The following RAD9A variants were observed in gnomAD, a reference collection of about 807,000 sequenced individuals.
RAD9A encodes cell cycle checkpoint control protein RAD9A.
A neutral mutation model predicts 41.2 loss-of-function variants in RAD9A; 25 were observed. That is an observed-to-expected ratio of 0.61 (90% confidence interval 0.44 to 0.85). RAD9A has a LOEUF of 0.85. Ranked by LOEUF, RAD9A falls within the 40% of genes least tolerant of loss-of-function variation. The probability of loss-of-function intolerance (pLI) is 0.00; values close to 1 mark genes in which losing one functional copy is unlikely to be tolerated. For synonymous variants in RAD9A, 252 were observed against 210.6 expected (o/e 1.20, Z -1.70); for missense variants, 514 against 518.3 (o/e 0.99, Z 0.08).
intron 3 of RAD9A, chr11:67,393,281 A>G: frequency 2.2e-6 from 1 of 453,906 alleles, no homozygotes; most frequent in Admixed American, 5.8e-5. Flanking sequence ...CTCCATCTCA[A>G]AAAAAAAAAA....
chr11:67,397,495 C>T lies in RAD9A; in HGVS notation c.1112C>T (p.Ala371Val). ...FRSLFFGSIL[A>V]PVRSPQGPSP... Reference sequence around the variant, plus strand: ...TCACTGTTCTTCGGCTCCATCCTGGCCCCTGTACGCTCCCCCCAGGGCCCC... The same window carrying T: ...TCACTGTTCTTCGGCTCCATCCTGGTCCCTGTACGCTCCCCCCAGGGCCCC... The change falls in exon 11 of 11, where the codon GCC (alanine) becomes GTC (valine). Residue 371 changes from alanine to valine, a missense_variant. Ala to Val is a moderately conservative substitution (Grantham distance 64). Coordinates refer to ENST00000307980, the MANE Select transcript of RAD9A (RefSeq NM_004584.3). The T allele has an allele frequency of 1.9e-6, 3 of 1,612,554 alleles. No individual in the cohort carries two copies. The highest frequency in any genetic ancestry group is 2.5e-6 in the Non-Finnish European group (3 of 1,179,078).
At position 67,397,515 on chromosome 11, in the gene RAD9A, G is replaced by A; in HGVS notation, c.1132G>A (p.Gly378Ser). The change falls in exon 11 of 11, where the codon GGC (glycine) becomes AGC (serine). Residue 378 changes from glycine to serine, a missense_variant. Gly to Ser is a moderately conservative substitution (Grantham distance 56). Coordinates refer to ENST00000307980, the MANE Select transcript of RAD9A (RefSeq NM_004584.3). ...SILAPVRSPQ[G>S]PSPVLAEDSE... The stretch of plus-strand genomic sequence containing the variant: ...CCTGGCCCCTGTACGCTCCCCCCAG[G>A]GCCCCAGCCCTGTGCTGGCGGAAGA... The A allele has an allele frequency of 6.2e-7, 1 of 1,612,370 alleles. No homozygotes were observed. The highest frequency in any genetic ancestry group is 8.5e-7 in the Non-Finnish European group (1 of 1,179,154).
At chr11:67,396,043 C>G (rs371182520) in intron 7 of RAD9A, 22 bp downstream of exon 7, 9 of 1,613,552 alleles carry the variant, frequency 5.6e-6, no homozygotes, top group African/African-American at 5.3e-5. Flanking sequence ...CCCAGGCGCT[C>G]GCCGTCCTGT....
chr11:67,393,362 C>G (rs1862587912), intron 3 of RAD9A, 134 bp from the exon 4 acceptor site: 3 of 1,449,712 alleles, frequency 2.1e-6, no homozygotes, highest in Non-Finnish European at 2.7e-6. Context: ...TAGAAGGATG[C>G]CAGTGCCCGA....
Position 67,392,274 on chromosome 11 carries a change from G to C in RAD9A, c.105+43G>C, listed in dbSNP as rs930404000. 7 of 1,475,524 alleles carry C rather than the reference G, an allele frequency of 4.7e-6. No individual in the cohort carries two copies. The African/African-American group carries it at 8.3e-5, about 18-fold the overall frequency. 91.4% of individuals were successfully genotyped at this position (1,475,524 alleles called of 1,614,324 possible). A position where few individuals can be genotyped will look rare whatever the true frequency, so the allele number is the denominator to read the frequency against. On this transcript the variant is annotated intron_variant, in intron 2 of 10. Coordinates refer to ENST00000307980, the MANE Select transcript of RAD9A (RefSeq NM_004584.3). The stretch of plus-strand genomic sequence containing the variant: ...GGGGGGCGGGTGGGACTCCAGCCGG[G>C]AGCGGGTAACCCGGACTAGAGTCTC...
rs868071002 is a variant in RAD9A, at chr11:67,398,374, G to A, written c.*815G>A. 8 of 713,884 alleles carry A rather than the reference G, an allele frequency of 1.1e-5. No individual in the cohort carries two copies. The highest frequency in any genetic ancestry group is 3.6e-5 in the African/African-American group (2 of 55,936). The allele number at this position is 713,884 out of a possible 1,614,324, so 44.2% of individuals were successfully genotyped here. A position where few individuals can be genotyped will look rare whatever the true frequency, so the allele number is the denominator to read the frequency against. On this transcript the variant is annotated 3_prime_UTR_variant, in exon 11 of 11. Coordinates refer to ENST00000307980, the MANE Select transcript of RAD9A (RefSeq NM_004584.3). ...AGGAAGCAGCCCTGGGGGACTGGAC[G>A]CTGCTATTGATTCATTAAAAAAAGA...
intron 9 of RAD9A, 142 bp downstream of exon 9, chr11:67,396,542 A>C: frequency 9.2e-7 from 1 of 1,088,706 alleles, no homozygotes; most frequent in Non-Finnish European, 1.3e-6. Flanking sequence ...CCCTAACCCT[A>C]TAGTGCTCAC....
At chr11:67,392,914 A>G in intron 3 of RAD9A, 132 bp downstream of exon 3, 2 of 1,249,424 alleles carry the variant, frequency 1.6e-6, no homozygotes, top group Non-Finnish European at 2.2e-6. Flanking sequence ...TGCAAAACAC[A>G]GGGAGGGCCA....
rs1305075645 is a variant in RAD9A, at chr11:67,397,255, G to A, written c.949G>A (p.Glu317Lys). The change falls in exon 10 of 11, where the codon GAG (glutamate) becomes AAG (lysine). Residue 317 changes from glutamate to lysine, a missense_variant. This residue lies in a region of RAD9A where 216 missense variants were observed against 184.2 expected (regional missense o/e 1.17). Coordinates refer to ENST00000307980, the MANE Select transcript of RAD9A (RefSeq NM_004584.3). ...MIAMETTIGN[E>K]GSRVLPSISL... The stretch of plus-strand genomic sequence containing the variant: ...CGCCATGGAAACCACTATAGGCAAT[G>A]AGGGCTCGCGGGTGCTGCCCTCCAT... 7 of 1,613,022 alleles carry A rather than the reference G, an allele frequency of 4.3e-6. No homozygotes were observed.
Position 67,395,797 on chromosome 11 carries a change from C to T in RAD9A, c.531C>T (p.Ile177=), listed in dbSNP as rs764593316. The T allele has an allele frequency of 6.2e-7, 1 of 1,613,878 alleles. No homozygotes were observed. Among genetic ancestry groups the T allele is most frequent in the East Asian group, 2.2e-5 (1 of 44,882 alleles). ...GCATTGGCCGTGGCCGCAGGGTCAT[C>T]CTGCGCAGCTACCACGAGGAGGAGG... ...TLGIGRGRRV[I]LRSYHEEEAD... Residue 177 remains isoleucine, a synonymous_variant, in exon 6 of 11, where the codon ATC becomes ATT. Coordinates refer to ENST00000307980, the MANE Select transcript of RAD9A (RefSeq NM_004584.3).
intron 2 of RAD9A, 67 bp from the exon 3 acceptor site, chr11:67,392,587 G>A: frequency 2.5e-6 from 4 of 1,590,046 alleles, no homozygotes; most frequent in Non-Finnish European, 3.4e-6. Flanking sequence ...GTGAGCAGAA[G>A]CAGCCAGAGG....
In RAD9A at chr11:67,398,197, G is replaced by C; in HGVS notation, c.*638G>C. ...GAGGCCATGGCGAGAATCCAGCTTT[G>C]ACCTTTATTCAAGAGACCAGATGGG... On this transcript the variant is annotated 3_prime_UTR_variant, in exon 11 of 11. Transcript: ENST00000307980. 1 of 342,810 alleles carries C rather than the reference G, an allele frequency of 2.9e-6. No homozygotes were observed. Among genetic ancestry groups the C allele is most frequent in the East Asian group, 6.4e-5 (1 of 15,508 alleles). 21.2% of individuals were successfully genotyped at this position (342,810 alleles called of 1,614,324 possible).
chr11:67,397,412 G>GT (rs755240521), intron 10 of RAD9A, 26 bp downstream of exon 10: 2 of 1,587,716 alleles, frequency 1.3e-6, no homozygotes, highest in Non-Finnish European at 1.7e-6. Flanking sequence ...GGAGGCAGGG[G>GT]TGGGAGGTAG....
rs1232567888 is a variant in RAD9A, at chr11:67,395,977, G to A, written c.625G>A (p.Ala209Thr). Residue 209 changes from alanine to threonine, a missense_variant, in exon 7 of 11, where the codon GCC (alanine) becomes ACC (threonine). This residue lies in a region of RAD9A where 268 missense variants were observed against 279.3 expected (regional missense o/e 0.96). Coordinates refer to ENST00000307980, the MANE Select transcript of RAD9A (RefSeq NM_004584.3). ...LGEEDFQQLQAQEGVAITFCL... is the reference protein window; with the variant it reads ...LGEEDFQQLQTQEGVAITFCL... ...AGAGGAGGATTTCCAGCAGCTGCAGGCCCAGGAAGGGGTGGCCATCACTTT... is the reference window on the plus strand; with the variant it reads ...AGAGGAGGATTTCCAGCAGCTGCAGACCCAGGAAGGGGTGGCCATCACTTT... 3.1e-6 allele frequency: 5 copies of A among 1,614,136 alleles called. No homozygotes were observed. Among genetic ancestry groups the A allele is most frequent in the South Asian group, 1.1e-5 (1 of 91,088 alleles).
At chr11:67,393,887 C>A in intron 5 of RAD9A, 97 bp downstream of exon 5, 1 of 1,023,072 alleles carries the variant, frequency 9.8e-7, no homozygotes, top group South Asian at 1.7e-5. Flanking sequence ...TTTCATTTTC[C>A]CTACAGAGTT....
intron 2 of RAD9A, 136 bp from the exon 3 acceptor site, chr11:67,392,517 TG>T: frequency 7.7e-7 from 1 of 1,301,500 alleles, no homozygotes; most frequent in Non-Finnish European, 1.0e-6. Context: ...AAGGCTTCCA[TG>T]GGGAAAGGAG....
At chr11:67,395,013 C>T (rs1392070536) in intron 5 of RAD9A, among the ~76,000 whole-genome samples, 1 of 150,892 alleles carries the variant, frequency 6.6e-6, no homozygotes, top group Non-Finnish European at 1.5e-5. Context: ...AATCTTGGCT[C>T]ACTGCAATCT....
Position 67,392,307 on chromosome 11 carries a change from C to T in RAD9A, c.105+76C>T, listed in dbSNP as rs1239852354. 12 of 1,278,058 alleles carry T rather than the reference C, an allele frequency of 9.4e-6. 1 individual carries two copies. Among genetic ancestry groups the T allele is most frequent in the Middle Eastern group, 2.5e-4 (1 of 4,070 alleles). 79.2% of individuals were successfully genotyped at this position (1,278,058 alleles called of 1,614,324 possible). On this transcript the variant is annotated intron_variant, in intron 2 of 10. Coordinates refer to ENST00000307980, the MANE Select transcript of RAD9A (RefSeq NM_004584.3). ...AACCCGGACTAGAGTCTCGCCCCCACTAGGCGGGATGACCGCTGGCAGATT... is the reference window on the plus strand; with the variant it reads ...AACCCGGACTAGAGTCTCGCCCCCATTAGGCGGGATGACCGCTGGCAGATT...
chr11:67,397,664 T>C lies in RAD9A; in HGVS notation c.*105T>C, dbSNP rs1471203796. On this transcript the variant is annotated 3_prime_UTR_variant, in exon 11 of 11. Coordinates refer to ENST00000307980, the MANE Select transcript of RAD9A (RefSeq NM_004584.3). ...CTGGGGATCAGAAAGGTGGGCTTGC[T>C]GGAGCTGAGCTGTTTCACTGCCTCT... 3.7e-6 allele frequency: 4 copies of C among 1,077,196 alleles called. No individual in the cohort carries two copies. The African/African-American group carries it at 4.8e-5, about 13-fold the overall frequency. 66.7% of individuals were successfully genotyped at this position (1,077,196 alleles called of 1,614,324 possible).
Sources: gnomAD v4.1 joint callset for allele counts (sites outside exome capture counted in the v4.1 genomes callset) on GRCh38, gnomAD v4.1.1 for gene constraint, gnomAD v4.1.1 regional missense constraint, MANE v1.5 for transcripts, NCBI Gene and HGNC (gene_info 2026-07-23, HGNC 2026-07-21) for gene names.